PICALM: variants seen among roughly 807,000 people sequenced by gnomAD.
PICALM encodes phosphatidylinositol-binding clathrin assembly protein.
PICALM carries 40 observed loss-of-function variants against 80.5 expected under a neutral mutation model. That is an observed-to-expected ratio of 0.50 (90% CI 0.39 to 0.65). The LOEUF (loss-of-function observed/expected upper bound fraction) is 0.65, where lower values mean the gene tolerates loss of function less well. Among genes scored for constraint, PICALM ranks in the 30% least tolerant of loss-of-function variants. PICALM has a pLI of 0.00. For missense variants in PICALM, 676 were observed against 778.9 expected (o/e 0.87, Z 1.57); for synonymous variants, 288 against 260.3 (o/e 1.11, Z -1.02).
At chr11:85,961,210 A>C (rs1342543126) in intron 19 of PICALM, among the ~76,000 whole-genome samples, 2 of 152,192 alleles carry the variant, frequency 1.3e-5, no homozygotes, top group East Asian at 3.9e-4. Context: ...GTCCGGACCC[A>C]ACACATCTAG....
chr11:85,981,348 G>A, intron 16 of PICALM, 120 bp from the exon 17 acceptor site: 2 of 634,124 alleles, frequency 3.2e-6, no homozygotes, highest in East Asian at 2.9e-5. Flanking sequence ...GCTCATGCCT[G>A]TAATCCCAGC....
At chr11:86,030,265 T>A (rs957043446) in intron 2 of PICALM, among the ~76,000 whole-genome samples, 13 of 152,340 alleles carry the variant, frequency 8.5e-5, no homozygotes, top group Middle Eastern at 3.4e-3. Flanking sequence ...AAAAGTAAGA[T>A]GTGCTGGAAC....
At chr11:85,990,879 T>C (rs146445513) in intron 12 of PICALM, among the ~76,000 whole-genome samples, 6 of 152,228 alleles carry the variant, frequency 3.9e-5, no homozygotes, top group Non-Finnish European at 5.9e-5. Context: ...AATTCCTGCA[T>C]AGATTCAAAA....
intron 14 of PICALM, among the ~76,000 whole-genome samples, chr11:85,982,707 G>A (rs1170175608): frequency 6.6e-6 from 1 of 151,606 alleles, no homozygotes; most frequent in Non-Finnish European, 1.5e-5. Context: ...GATTACAGGC[G>A]TGAGCCACCG....
chr11:86,061,452 G>C (rs967081859), intron 1 of PICALM, among the ~76,000 whole-genome samples: 2 of 151,450 alleles, frequency 1.3e-5, no homozygotes, highest in African/African-American at 4.9e-5. Context: ...TTTAAGAACA[G>C]GACAATGACC....
At chr11:85,998,093 T>G (rs1222846674) in intron 11 of PICALM, among the ~76,000 whole-genome samples, 1 of 146,054 alleles carries the variant, frequency 6.8e-6, no homozygotes, top group African/African-American at 2.6e-5. Context: ...ACATGATATA[T>G]TTCTACCTCA....
Position 86,013,456 on chromosome 11 carries a change from T to G in PICALM, c.547-1064A>C, listed in dbSNP as rs187251645. Reference sequence around the variant, plus strand: ...ACCACCACATTCTTTTTCTGGGTGTTAAACCTATTGAAATAGGTTTACAAA... The same window carrying G: ...ACCACCACATTCTTTTTCTGGGTGTGAAACCTATTGAAATAGGTTTACAAA... On this transcript the variant is annotated intron_variant, in intron 5 of 19. Coordinates refer to ENST00000393346, the MANE Select transcript of PICALM (RefSeq NM_007166.4). Among the ~76,000 whole-genome samples, 30 of 152,232 alleles carry G rather than the reference T, an allele frequency of 2.0e-4. No individual in the cohort carries two copies. The East Asian group carries it at 4.8e-3, about 24-fold the overall frequency.
At chr11:86,064,651 T>TA (rs11403335) in intron 1 of PICALM, among the ~76,000 whole-genome samples, 34,761 of 126,988 alleles carry the variant, frequency 0.27, 4,955 homozygotes, top group Middle Eastern at 0.37. Context: ...CACCTCATTT[T>TA]AAAAAAAAAA....
intron 2 of PICALM, among the ~76,000 whole-genome samples, chr11:86,030,236 G>A (rs1227243399): frequency 6.6e-6 from 1 of 152,090 alleles, no homozygotes; most frequent in Non-Finnish European, 1.5e-5. Flanking sequence ...AAGAACTAGA[G>A]GGAAGACCAA....
chr11:85,960,611 GT>G, intron 19 of PICALM: 1 of 653,412 alleles, frequency 1.5e-6, no homozygotes, highest in South Asian at 1.5e-5. Flanking sequence ...CGTGAATTGT[GT>G]TTAATGTTTG....
At chr11:86,030,800 T>A (rs1157858797) in intron 2 of PICALM, among the ~76,000 whole-genome samples, 1 of 152,138 alleles carries the variant, frequency 6.6e-6, no homozygotes, top group Non-Finnish European at 1.5e-5. Context: ...AGTGCTTCCA[T>A]AAACAACTAT....
chr11:86,021,766 G>A (rs1373809818), intron 4 of PICALM, among the ~76,000 whole-genome samples: 1 of 152,018 alleles, frequency 6.6e-6, no homozygotes, highest in East Asian at 1.9e-4. Context: ...GGCAAAAGTA[G>A]AAACTATTCA....
chr11:86,017,644 G>C (rs181447011), intron 4 of PICALM, among the ~76,000 whole-genome samples: 123 of 152,202 alleles, frequency 8.1e-4, no homozygotes, highest in African/African-American at 2.9e-3. Context: ...TCCCAGTTTT[G>C]CCACAGCATA....
At chr11:86,006,520 A>G (rs1169893315) in intron 8 of PICALM, among the ~76,000 whole-genome samples, 1 of 152,000 alleles carries the variant, frequency 6.6e-6, no homozygotes, top group Non-Finnish European at 1.5e-5. Flanking sequence ...GGTGGCTTAC[A>G]CCTGTAATCC....
intron 19 of PICALM, among the ~76,000 whole-genome samples, chr11:85,973,407 G>A (rs1173784600): frequency 6.6e-6 from 1 of 152,192 alleles, no homozygotes; most frequent in Non-Finnish European, 1.5e-5. Flanking sequence ...AGGATATTAA[G>A]ATAGTTCAAG....
At chr11:85,980,277 A>G (rs2094402910) in intron 17 of PICALM, among the ~76,000 whole-genome samples, 1 of 152,224 alleles carries the variant, frequency 6.6e-6, no homozygotes, top group South Asian at 2.1e-4. Flanking sequence ...ATACTGCAAG[A>G]AACTCTGACT....
chr11:85,962,924 GA>G (rs2093738347), intron 19 of PICALM, among the ~76,000 whole-genome samples: 1 of 152,156 alleles, frequency 6.6e-6, no homozygotes, highest in Non-Finnish European at 1.5e-5. Flanking sequence ...GCACTGGTGA[GA>G]AAGTAGTCAC....
chr11:86,061,330 CAAAAAAAAAA>C (rs58836221), intron 1 of PICALM, among the ~76,000 whole-genome samples: 65 of 81,128 alleles, frequency 8.0e-4, no homozygotes, highest in Non-Finnish European at 1.0e-3. Context: ...GACTCCATCT[CAAAAAAAAAA>C]AAAAAAAAAA....
chr11:85,969,836 T>C (rs1237386370), intron 19 of PICALM, among the ~76,000 whole-genome samples: 3 of 152,218 alleles, frequency 2.0e-5, no homozygotes, highest in Non-Finnish European at 4.4e-5. Context: ...TAATTTTTAA[T>C]TATTAAAAAT....
Sources: gnomAD v4.1 joint callset for allele counts (sites outside exome capture counted in the v4.1 genomes callset) on GRCh38, gnomAD v4.1.1 for gene constraint, MANE v1.5 for transcripts, NCBI Gene and HGNC (gene_info 2026-07-23, HGNC 2026-07-21) for gene names.